The following SERHL2 variants were observed in gnomAD, a reference collection of about 807,000 sequenced individuals.
SERHL2 encodes the protein serine hydrolase like 2.
In SERHL2, 29 loss-of-function variants were observed where a neutral mutation model predicts 25.5. The observed-to-expected ratio is 1.14, with a 90% confidence interval of 0.85 to 1.55. The LOEUF (loss-of-function observed/expected upper bound fraction) is 1.55. Ranked by LOEUF, SERHL2 falls within the 40% of genes most tolerant of loss-of-function variation. The pLI is 0.00. For missense variants in SERHL2, 240 were observed against 252.3 expected (o/e 0.95, Z 0.33); for synonymous variants, 95 against 103.5 (o/e 0.92, Z 0.50).
intron 10 of SERHL2, chr22:42,571,497 C>G (rs191972044): frequency 8.2e-7 from 1 of 1,223,388 alleles, no homozygotes; most frequent in Non-Finnish European, 1.0e-6. Context: ...CCAGTCTCGG[C>G]TGACTGCAAC....
chr22:42,554,652 G>GC (rs1015625710), intron 1 of SERHL2, among the ~76,000 whole-genome samples: 2 of 151,838 alleles, frequency 1.3e-5, no homozygotes, highest in East Asian at 3.9e-4. Flanking sequence ...CCTGACCAGC[G>GC]CCCCCGCCCC....
intron 8 of SERHL2, among the ~76,000 whole-genome samples, 165 bp from the exon 9 acceptor site, chr22:42,566,139 G>C (rs1240941229): frequency 6.6e-6 from 1 of 152,080 alleles, no homozygotes; most frequent in Non-Finnish European, 1.5e-5. Context: ...CCCTGCTCCA[G>C]CTGGACCCCA....
intron 10 of SERHL2, 197 bp downstream of exon 10, chr22:42,571,400 C>T: frequency 5.0e-6 from 7 of 1,396,950 alleles, no homozygotes; most frequent in Non-Finnish European, 6.5e-6. Context: ...AGGGCTCGGG[C>T]AGCAGGGGAT....
At position 42,567,596 on chromosome 22, in the gene SERHL2, A is replaced by G. The variant is rs1280496494; in HGVS notation, c.648+1258A>G. 7.9e-5 allele frequency among the ~76,000 whole-genome samples: 12 copies of G among 151,748 alleles called. No homozygotes were observed. In the East Asian group the frequency reaches 1.8e-3, roughly 22 times the overall value. On this transcript the variant is annotated intron_variant, in intron 9 of 11. Coordinates refer to ENST00000327678, the MANE Select transcript of SERHL2 (RefSeq NM_014509.5). ...GGAGAATGGCGTGAACCCGGGAAGC[A>G]GAGCTTGCAGTGAGCCGAGATTGCG...
chr22:42,574,033 A>C lies in SERHL2; in HGVS notation c.923A>C (p.His308Pro), dbSNP rs1924659031. ...ATCAGCTCCTTCTTACAGTGCACAC[A>C]CATGCTCCCAGCCCAGCTGTAGCTC... ...SIISSFLQCT[H>P]MLPAQL The change falls in exon 12 of 12, where the codon CAC (histidine) becomes CCC (proline). Residue 308 changes from histidine to proline, a missense_variant. By Grantham distance (77) the His-to-Pro change is moderately conservative. Transcript: ENST00000327678. 2 of 1,612,526 alleles carry C rather than the reference A, an allele frequency of 1.2e-6. No homozygotes were observed. The highest frequency in any genetic ancestry group is 2.7e-5 in the African/African-American group (2 of 74,772).
intron 9 of SERHL2, chr22:42,569,018 A>C (rs1923787939): frequency 6.6e-6 from 1 of 151,784 alleles, no homozygotes; most frequent in Non-Finnish European, 1.5e-5. Context: ...AGTAGCTGAG[A>C]TTACAGGCGC....
intron 11 of SERHL2, chr22:42,573,558 C>A: frequency 4.4e-6 from 1 of 227,062 alleles, no homozygotes; most frequent in Non-Finnish European, 8.7e-6. Flanking sequence ...CTGCGCCCGG[C>A]CCTGTCTGGC....
Position 42,554,029 on chromosome 22 carries a change from G to C in SERHL2, c.9G>C (p.Glu3Asp), listed in dbSNP as rs965758376. 28 of 1,613,540 alleles carry C rather than the reference G, an allele frequency of 1.7e-5. No homozygotes were observed. The highest frequency in any genetic ancestry group is 2.2e-5 in the Non-Finnish European group (26 of 1,179,828). The change falls in exon 1 of 12, where the codon GAG becomes GAC. Residue 3 changes from glutamate to aspartate, a missense_variant. Transcript: ENST00000327678. MSENAAPGLISEL... is the reference protein window; with the variant it reads MSDNAAPGLISEL... Reference sequence around the variant, plus strand: ...TTCGCGGGACGAGAGCGATGAGTGAGAACGCCGCACCAGGTCTGACGGGGA... The same window carrying C: ...TTCGCGGGACGAGAGCGATGAGTGACAACGCCGCACCAGGTCTGACGGGGA...
Position 42,554,001 on chromosome 22 carries a change from G to T in SERHL2, c.-20G>T. The T allele has an allele frequency of 6.2e-7, 1 of 1,613,392 alleles. No homozygotes were observed. The highest frequency in any genetic ancestry group is 8.5e-7 in the Non-Finnish European group (1 of 1,179,664). On this transcript the variant is annotated 5_prime_UTR_variant, in exon 1 of 12. Transcript: ENST00000327678. Reference sequence around the variant, plus strand: ...CCAGGCGTGAGGGAGTGACAGCAGCGCATTCGCGGGACGAGAGCGATGAGT... The same window carrying T: ...CCAGGCGTGAGGGAGTGACAGCAGCTCATTCGCGGGACGAGAGCGATGAGT...
At chr22:42,569,048 A>G (rs1237318482) in intron 9 of SERHL2, 3 of 151,514 alleles carry the variant, frequency 2.0e-5, no homozygotes, top group Non-Finnish European at 4.4e-5. Context: ...TGCTGGGTTA[A>G]TTTTTTGTAT....
At chr22:42,571,345 C>T (rs1051943196) in intron 10 of SERHL2, 142 bp downstream of exon 10, 2 of 1,486,660 alleles carry the variant, frequency 1.3e-6, no homozygotes, top group African/African-American at 1.4e-5. Flanking sequence ...TTTGGGAAGC[C>T]CCCCTGGCAG....
chr22:42,571,455 C>A lies in SERHL2; in HGVS notation c.731+252C>A. On this transcript the variant is annotated intron_variant, in intron 10 of 11. Coordinates refer to ENST00000327678, the MANE Select transcript of SERHL2 (RefSeq NM_014509.5). ...CCTTTCCACAGGTGTCAGCGGGGGG[C>A]ATGCCCAGGTAAGGCTCCATAACCA... is the stretch of plus-strand genomic sequence containing the variant. 7.5e-6 allele frequency: 10 copies of A among 1,337,148 alleles called. 1 individual carries two copies. The highest frequency in any genetic ancestry group is 3.1e-5 in the Admixed American group (1 of 32,778). 82.8% of individuals were successfully genotyped at this position (1,337,148 alleles called of 1,614,324 possible).
chr22:42,563,701 CTT>C (rs780029489), intron 8 of SERHL2, among the ~76,000 whole-genome samples: 3 of 151,802 alleles, frequency 2.0e-5, no homozygotes, highest in South Asian at 2.1e-4. Context: ...TTATTATACT[CTT>C]TTTATTTTTT....
At chr22:42,566,746 G>C (rs1923447366) in intron 9 of SERHL2, among the ~76,000 whole-genome samples, 1 of 152,018 alleles carries the variant, frequency 6.6e-6, no homozygotes, top group Non-Finnish European at 1.5e-5. Context: ...CTGTTGAGAG[G>C]GGGATTCCTG....
intron 8 of SERHL2, among the ~76,000 whole-genome samples, chr22:42,564,090 G>GA (rs1382997153): frequency 2.0e-5 from 3 of 151,526 alleles, no homozygotes; most frequent in Admixed American, 6.6e-5. Flanking sequence ...AAAAAGACAA[G>GA]AAAAAACATG....
chr22:42,564,754 AC>A (rs1332155236), intron 8 of SERHL2, among the ~76,000 whole-genome samples: 1 of 151,870 alleles, frequency 6.6e-6, no homozygotes, highest in Non-Finnish European at 1.5e-5. Context: ...ATCTGACGGG[AC>A]CGTCTCCCTT....
At chr22:42,562,763 G>A (rs1922846467) in intron 8 of SERHL2, among the ~76,000 whole-genome samples, 2 of 151,918 alleles carry the variant, frequency 1.3e-5, no homozygotes, top group African/African-American at 2.4e-5. Context: ...GAGCAGCAGA[G>A]ATGAGCTCTT....
intron 11 of SERHL2, 55 bp downstream of exon 11, chr22:42,572,584 A>C: frequency 6.3e-7 from 1 of 1,592,664 alleles, no homozygotes; most frequent in South Asian, 1.1e-5. Flanking sequence ...CTCTGGTCCC[A>C]CCTCACCCAT....
intron 1 of SERHL2, 83 bp from the exon 2 acceptor site, chr22:42,554,855 T>C: frequency 1.9e-6 from 3 of 1,558,764 alleles, no homozygotes; most frequent in Non-Finnish European, 2.6e-6. Context: ...CTCAAGCACA[T>C]CAGGCAGAGA....
Sources: gnomAD v4.1 joint callset for allele counts (sites outside exome capture counted in the v4.1 genomes callset) on GRCh38, gnomAD v4.1.1 for gene constraint, MANE v1.5 for transcripts, NCBI Gene and HGNC (gene_info 2026-07-23, HGNC 2026-07-21) for gene names.